The following KIF3A variants were observed in gnomAD, a reference collection of about 807,000 sequenced individuals.
The protein encoded by KIF3A is kinesin-like protein KIF3A.
A neutral mutation model predicts 92.6 loss-of-function variants in KIF3A; 27 were observed. The ratio of observed to expected loss-of-function variants is 0.29; its 90% CI spans 0.21 to 0.40. The LOEUF (loss-of-function observed/expected upper bound fraction) is 0.40. Ranked by LOEUF, KIF3A falls within the 10% of genes least tolerant of loss-of-function variation. The probability of loss-of-function intolerance (pLI) is 1.00; values close to 1 mark genes in which losing one functional copy is unlikely to be tolerated. For missense variants in KIF3A, 581 were observed against 872.6 expected (o/e 0.67, Z 4.21); for synonymous variants, 250 against 275.4 (o/e 0.91, Z 0.92).
At chr5:132,700,191 T>G (rs1401360786) in intron 17 of KIF3A, 25 bp downstream of exon 17, 1 of 1,356,720 alleles carries the variant, frequency 7.4e-7, no homozygotes, top group Non-Finnish European at 1.0e-6. Context: ...TGTGTTTTGT[T>G]TTGTTTTTTT....
chr5:132,724,849 ATATAT>A (rs1561709144), intron 4 of KIF3A, among the ~76,000 whole-genome samples: 3 of 33,364 alleles, frequency 9.0e-5, no homozygotes, highest in African/African-American at 1.8e-4. Context: ...ATATATATAT[ATATAT>A]ATTAAAAAAT....
intron 1 of KIF3A, among the ~76,000 whole-genome samples, chr5:132,735,580 TTCTA>T (rs1222866838): frequency 6.6e-6 from 1 of 152,128 alleles, no homozygotes; most frequent in Admixed American, 6.5e-5. Flanking sequence ...TACAATACAC[TTCTA>T]TCTATCTCTC....
intron 5 of KIF3A, among the ~76,000 whole-genome samples, chr5:132,719,884 G>A (rs1482414214): frequency 6.6e-6 from 1 of 152,188 alleles, no homozygotes; most frequent in Non-Finnish European, 1.5e-5. Flanking sequence ...GACTAAAAAT[G>A]TGACACAATT....
At position 132,715,738 on chromosome 5, in the gene KIF3A, T is replaced by A. The variant is rs1273690884; in HGVS notation, c.1129+19A>T. The A allele has an allele frequency of 4.4e-6, 7 of 1,577,780 alleles. No homozygotes were observed. Among genetic ancestry groups the A allele is most frequent in the Non-Finnish European group, 6.1e-6 (7 of 1,154,088 alleles). On this transcript the variant is annotated intron_variant, in intron 8 of 18. Coordinates refer to ENST00000403231, the MANE Select transcript of KIF3A (RefSeq NM_001300791.2). ...TATTTTTAGCCAACATAAAGATTAA[T>A]ATTTTGAGGAAAAGCTACCTTCTTC...
intron 7 of KIF3A, 150 bp downstream of exon 7, chr5:132,716,095 G>A: frequency 1.2e-6 from 1 of 817,108 alleles, no homozygotes; most frequent in Non-Finnish European, 1.9e-6. Context: ...ACTATTATGG[G>A]CTAATACACG....
intron 2 of KIF3A, among the ~76,000 whole-genome samples, chr5:132,733,231 T>A (rs1485850814): frequency 6.6e-6 from 1 of 152,210 alleles, no homozygotes; most frequent in Non-Finnish European, 1.5e-5. Context: ...AATGTACCTA[T>A]GAACTATAAA....
Position 132,703,491 on chromosome 5 carries a change from T to G in KIF3A, c.1438A>C (p.Lys480Gln). The G allele has an allele frequency of 6.2e-7, 1 of 1,611,112 alleles. No homozygotes were observed. The highest frequency in any genetic ancestry group is 1.7e-5 in the Admixed American group (1 of 59,750). Reference protein sequence around the residue: ...ERNKARAELEKREKDLLKAQQ... With the variant: ...ERNKARAELEQREKDLLKAQQ... ...GCTTTAAGAAGATCTTTTTCCCGTT[T>G]CTCTAATTCAGCTCTAGCCTTGTTT... Residue 480 changes from lysine (K) to glutamine (Q), a missense_variant, in exon 12 of 19, where the codon AAA (lysine) becomes CAA (glutamine). Transcript: ENST00000403231.
chr5:132,708,835 A>G, intron 10 of KIF3A, 72 bp downstream of exon 10: 1 of 978,082 alleles, frequency 1.0e-6, no homozygotes, highest in Non-Finnish European at 1.6e-6. Flanking sequence ...GTGGTGCAGC[A>G]TTGCTCAAAT....
rs763198565 is a variant in KIF3A, at chr5:132,699,560, CTTTT to C, written c.2008-269_2008-266del. The stretch of plus-strand genomic sequence containing the variant: ...CTTAAAGCTGCCCCCTCTTCTTCTT[CTTTT>C]TTTTTTTTTTTTGAGACGGAGTCTC... On this transcript the variant is annotated intron_variant, in intron 17 of 18. Transcript: ENST00000403231. The C allele has an allele frequency of 3.2e-3, 1,341 of 422,736 alleles. 2 individuals carry two copies. The highest frequency in any genetic ancestry group is 4.6e-3 in the Non-Finnish European group (1,008 of 217,614). The allele number at this position is 422,736 out of a possible 1,614,324, so 26.2% of individuals were successfully genotyped here.
intron 5 of KIF3A, among the ~76,000 whole-genome samples, chr5:132,718,788 G>GGCT (rs571651640): frequency 5.8e-4 from 89 of 152,178 alleles, no homozygotes; most frequent in South Asian, 1.7e-3. Flanking sequence ...CACCACGTCT[G>GGCT]GCTGATTTTT....
intron 2 of KIF3A, among the ~76,000 whole-genome samples, chr5:132,731,507 A>C (rs1754229475): frequency 6.6e-6 from 1 of 152,216 alleles, no homozygotes; most frequent in Non-Finnish European, 1.5e-5. Flanking sequence ...AAACCTACAA[A>C]GGATATCTGT....
At chr5:132,719,014 T>A (rs116015666) in intron 5 of KIF3A, among the ~76,000 whole-genome samples, 3 of 152,122 alleles carry the variant, frequency 2.0e-5, no homozygotes, top group African/African-American at 7.2e-5. Context: ...TGAAGGTTAT[T>A]TAGATTGTTA....
chr5:132,708,871 A>G (rs1753316780), intron 10 of KIF3A, 36 bp downstream of exon 10: 1 of 1,448,662 alleles, frequency 6.9e-7, no homozygotes, highest in African/African-American at 1.4e-5. Context: ...TGGAAAAGCC[A>G]AAGCTCTGTT....
At chr5:132,732,992 A>C (rs540684393) in intron 2 of KIF3A, among the ~76,000 whole-genome samples, 21 of 152,358 alleles carry the variant, frequency 1.4e-4, no homozygotes, top group Admixed American at 1.2e-3. Context: ...TGTAAGTGAA[A>C]GAAGTTATTC....
At chr5:132,699,079 G>T in intron 18 of KIF3A, 92 bp downstream of exon 18, 1 of 1,272,012 alleles carries the variant, frequency 7.9e-7, no homozygotes, top group Non-Finnish European at 1.1e-6. Flanking sequence ...TATGTATCAT[G>T]TTTTAACTAA....
At chr5:132,730,122 A>G (rs896808367) in intron 2 of KIF3A, among the ~76,000 whole-genome samples, 3 of 152,246 alleles carry the variant, frequency 2.0e-5, no homozygotes, top group African/African-American at 7.2e-5. Flanking sequence ...GAATTTGACA[A>G]CTTAGATGAA....
intron 11 of KIF3A, among the ~76,000 whole-genome samples, chr5:132,703,872 G>A (rs1753126557): frequency 6.6e-6 from 1 of 151,662 alleles, no homozygotes; most frequent in Admixed American, 6.6e-5. Context: ...CGAAAGAGAA[G>A]CAAAATAGAT....
intron 4 of KIF3A, among the ~76,000 whole-genome samples, chr5:132,724,661 G>A (rs906907124): frequency 7.3e-5 from 11 of 151,294 alleles, no homozygotes; most frequent in Non-Finnish European, 1.5e-4. Context: ...GAGGAGTGGG[G>A]AGGGATAGCA....
chr5:132,708,963 C>T lies in KIF3A; in HGVS notation c.1244G>A (p.Ser415Asn). ...RKKRRGSSSSSSSDSTCSVIE... is the reference protein window; with the variant it reads ...RKKRRGSSSSNSSDSTCSVIE... Reference sequence around the variant, plus strand: ...GACAGAACATGTGGAGTCTGAACTACTGCTGCTGCTACTGCCTGGAAAACA... The same window carrying T: ...GACAGAACATGTGGAGTCTGAACTATTGCTGCTGCTACTGCCTGGAAAACA... The change falls in exon 10 of 19, where the codon AGT (serine) becomes AAT (asparagine). Residue 415 changes from serine to asparagine, a missense_variant. Transcript: ENST00000403231. The T allele has an allele frequency of 1.3e-6, 2 of 1,549,870 alleles. No individual in the cohort carries two copies. The highest frequency in any genetic ancestry group is 1.7e-6 in the Non-Finnish European group (2 of 1,146,438).
Sources: gnomAD v4.1 joint callset for allele counts (sites outside exome capture counted in the v4.1 genomes callset) on GRCh38, gnomAD v4.1.1 for gene constraint, MANE v1.5 for transcripts, NCBI Gene and HGNC (gene_info 2026-07-23, HGNC 2026-07-21) for gene names.